ST7: variants seen among roughly 807,000 people sequenced by gnomAD.
ST7 encodes the protein suppressor of tumorigenicity 7 protein.
A neutral mutation model predicts 78.7 loss-of-function variants in ST7; 28 were observed. The observed-to-expected ratio is 0.36, with a 90% CI of 0.26 to 0.49. The LOEUF (loss-of-function observed/expected upper bound fraction) is 0.49. ST7 is among the 20% of genes least tolerant of loss of function. ST7 has a pLI of 0.99. For missense variants in ST7, 418 were observed against 696.0 expected (o/e 0.60, Z 4.49); for synonymous variants, 247 against 249.6 (o/e 0.99, Z 0.10).
At chr7:117,140,522 T>G (rs1805194631) in intron 9 of ST7, among the ~76,000 whole-genome samples, 1 of 152,122 alleles carries the variant, frequency 6.6e-6, no homozygotes, top group Non-Finnish European at 1.5e-5. Flanking sequence ...TTTTCTCCGT[T>G]ATATAAATAT....
chr7:117,163,422 T>A (rs1323147517), intron 9 of ST7, among the ~76,000 whole-genome samples: 1 of 152,214 alleles, frequency 6.6e-6, no homozygotes, highest in African/African-American at 2.4e-5. Flanking sequence ...GCCTTTTTTC[T>A]GCATTCTCGC....
At chr7:116,955,919 A>C (rs2116105786) in intron 1 of ST7, among the ~76,000 whole-genome samples, 1 of 152,318 alleles carries the variant, frequency 6.6e-6, no homozygotes, top group South Asian at 2.1e-4. Context: ...CACATGATAG[A>C]AGACCTGATG....
At chr7:117,228,518 T>A (rs3808195) in intron 15 of ST7, among the ~76,000 whole-genome samples, 44,250 of 152,092 alleles carry the variant, frequency 0.29, 6,982 homozygotes, top group Non-Finnish European at 0.35. Context: ...TCGCATTTGA[T>A]GATCTGGCTA....
intron 1 of ST7, among the ~76,000 whole-genome samples, chr7:117,096,067 CAAAAAAA>C (rs35970973): frequency 1.7e-4 from 6 of 35,708 alleles, no homozygotes; most frequent in South Asian, 1.7e-3. Context: ...GATTCTGCCT[CAAAAAAA>C]AAAAAAAAAA....
chr7:117,089,774 A>C (rs951534614), intron 1 of ST7, among the ~76,000 whole-genome samples: 1 of 151,588 alleles, frequency 6.6e-6, no homozygotes, highest in Non-Finnish European at 1.5e-5. Context: ...GTTTCACCAT[A>C]TTGGCCAGGC....
At position 116,955,864 on chromosome 7, in the gene ST7, G is replaced by A. The variant is rs1289225165; in HGVS notation, c.151+2173G>A. 2.6e-5 allele frequency among the ~76,000 whole-genome samples: 4 copies of A among 152,264 alleles called. No homozygotes were observed. The South Asian group carries it at 6.2e-4, about 24-fold the overall frequency. ...TGTAGGGGCAGTTCTAAGAGATAGC[G>A]AAAATATGAAGATGAACGTGCCATC... On this transcript the variant is annotated intron_variant, in intron 1 of 15. Coordinates refer to ENST00000323984, the MANE Select transcript of ST7 (RefSeq NM_001369598.1).
At chr7:116,956,671 C>A (rs1364436791) in intron 1 of ST7, 8 of 470,710 alleles carry the variant, frequency 1.7e-5, no homozygotes, top group Non-Finnish European at 3.5e-5. Context: ...GGTATCTTCT[C>A]AATATCTTGA....
chr7:116,986,392 G>GA (rs1453407709), intron 1 of ST7, among the ~76,000 whole-genome samples: 1 of 152,122 alleles, frequency 6.6e-6, no homozygotes, highest in African/African-American at 2.4e-5. Context: ...AAGGAAAAGT[G>GA]AAAAATTTTC....
intron 1 of ST7, among the ~76,000 whole-genome samples, chr7:116,998,388 C>G (rs922809896): frequency 3.9e-5 from 6 of 152,248 alleles, no homozygotes; most frequent in African/African-American, 1.4e-4. Flanking sequence ...CCCTCCACAC[C>G]TCCCCGCAAG....
intron 9 of ST7, among the ~76,000 whole-genome samples, chr7:117,163,787 A>G (rs895247998): frequency 2.0e-5 from 3 of 152,028 alleles, no homozygotes; most frequent in Non-Finnish European, 1.5e-5. Flanking sequence ...AGTTTTATTT[A>G]TAAATAGGAC....
intron 3 of ST7, chr7:117,128,297 C>G (rs766752217): frequency 1.3e-5 from 2 of 151,760 alleles, no homozygotes; most frequent in Non-Finnish European, 2.9e-5. Flanking sequence ...TTGAGCTCAC[C>G]AGTGTGTTTC....
At chr7:117,228,099 C>T (rs1258316647) in intron 15 of ST7, among the ~76,000 whole-genome samples, 1 of 152,180 alleles carries the variant, frequency 6.6e-6, no homozygotes, top group Admixed American at 6.5e-5. Flanking sequence ...CTGGAGGGCC[C>T]ACCCTGCTCC....
At chr7:117,088,499 T>C (rs1431876322) in intron 1 of ST7, among the ~76,000 whole-genome samples, 1 of 152,244 alleles carries the variant, frequency 6.6e-6, no homozygotes, top group Non-Finnish European at 1.5e-5. Context: ...GTTATTTCCA[T>C]GCATTTTAGA....
intron 1 of ST7, among the ~76,000 whole-genome samples, chr7:116,970,973 C>T (rs1223698672): frequency 2.6e-5 from 4 of 152,094 alleles, no homozygotes; most frequent in Non-Finnish European, 4.4e-5. Flanking sequence ...ATTGATTTCT[C>T]TTTCTCCCAA....
At chr7:117,218,960 G>A (rs1438161464) in intron 13 of ST7, 124 bp from the exon 14 acceptor site, 1 of 685,880 alleles carries the variant, frequency 1.5e-6, no homozygotes, top group African/African-American at 1.8e-5. Context: ...AGCTTGGTGG[G>A]GTAAGCCTTG....
chr7:117,095,294 T>C (rs1267535102), intron 1 of ST7, among the ~76,000 whole-genome samples: 1 of 152,222 alleles, frequency 6.6e-6, no homozygotes, highest in African/African-American at 2.4e-5. Flanking sequence ...ACGTGATTCC[T>C]GAGTAAGCCT....
chr7:117,176,323 A>T (rs1203482577), intron 10 of ST7, among the ~76,000 whole-genome samples: 2 of 152,194 alleles, frequency 1.3e-5, no homozygotes, highest in African/African-American at 4.8e-5. Context: ...CATCAAGCCC[A>T]TCCTAAATTA....
chr7:117,109,975 T>C (rs1802292286), intron 2 of ST7, among the ~76,000 whole-genome samples: 1 of 152,130 alleles, frequency 6.6e-6, no homozygotes, highest in Non-Finnish European at 1.5e-5. Flanking sequence ...AGAAAAAACA[T>C]TTGACAAAAT....
chr7:117,210,315 T>A (rs1389752875), intron 13 of ST7, among the ~76,000 whole-genome samples: 3 of 152,202 alleles, frequency 2.0e-5, no homozygotes, highest in Non-Finnish European at 4.4e-5. Context: ...TGATGGCCTT[T>A]GTGGGAGGGT....
Sources: allele counts gnomAD v4.1 joint callset (sites outside exome capture counted in the v4.1 genomes callset), GRCh38; gene constraint gnomAD v4.1.1; transcripts MANE v1.5; gene names NCBI Gene and HGNC (gene_info 2026-07-23, HGNC 2026-07-21).